SRGAP1: variants seen among roughly 807,000 people sequenced by gnomAD.
SRGAP1 encodes SLIT-ROBO Rho GTPase activating protein 1.
In SRGAP1, 43 loss-of-function variants were observed where a neutral mutation model predicts 121.9. The observed-to-expected ratio is 0.35, with a 90% CI of 0.28 to 0.46. The LOEUF is 0.46. Ranked by LOEUF, SRGAP1 falls within the 20% of genes least tolerant of loss-of-function variation. The pLI is 1.00. For missense variants in SRGAP1, 1,102 were observed against 1,350.9 expected (o/e 0.82, Z 2.89); for synonymous variants, 447 against 485.4 (o/e 0.92, Z 1.04).
chr12:63,982,393 A>G (rs781419077), intron 1 of SRGAP1: 6 of 152,206 alleles, frequency 3.9e-5, no homozygotes, highest in African/African-American at 1.4e-4. Context: ...AAAATGGAAG[A>G]TAATACTAAA....
At chr12:64,015,826 T>A in intron 3 of SRGAP1, among the ~76,000 whole-genome samples, 1 of 152,250 alleles carries the variant, frequency 6.6e-6, no homozygotes, top group East Asian at 1.9e-4. Flanking sequence ...GTGGATGTTG[T>A]TAATGTTGCA....
chr12:64,057,170 C>G (rs1022802001), intron 6 of SRGAP1, among the ~76,000 whole-genome samples: 2 of 152,034 alleles, frequency 1.3e-5, no homozygotes, highest in South Asian at 4.1e-4. Flanking sequence ...CTCACTCCTC[C>G]TATTTGCTAC....
intron 1 of SRGAP1, among the ~76,000 whole-genome samples, chr12:63,967,906 G>C (rs1450743152): frequency 6.6e-6 from 1 of 152,184 alleles, no homozygotes; most frequent in Non-Finnish European, 1.5e-5. Context: ...CTGGACTTCA[G>C]ATCATCTTCC....
At chr12:64,061,989 C>G (rs1268416320) in intron 6 of SRGAP1, among the ~76,000 whole-genome samples, 1 of 151,432 alleles carries the variant, frequency 6.6e-6, no homozygotes, top group South Asian at 2.1e-4. Flanking sequence ...CTGCTATAAA[C>G]ATTTGTGTGC....
intron 4 of SRGAP1, among the ~76,000 whole-genome samples, chr12:64,024,891 T>A (rs2034620098): frequency 6.6e-6 from 1 of 152,158 alleles, no homozygotes; most frequent in Non-Finnish European, 1.5e-5. Flanking sequence ...ACCACCCCCA[T>A]GATTCAGTTA....
At chr12:64,027,488 A>G (rs1418343613) in intron 4 of SRGAP1, among the ~76,000 whole-genome samples, 4 of 152,104 alleles carry the variant, frequency 2.6e-5, no homozygotes, top group South Asian at 4.1e-4. Context: ...AAGAGGAGAG[A>G]TGAAACAGGG....
intron 1 of SRGAP1, among the ~76,000 whole-genome samples, chr12:63,974,803 C>T (rs1334340249): frequency 2.6e-5 from 4 of 152,076 alleles, no homozygotes; most frequent in Non-Finnish European, 5.9e-5. Context: ...GTTCAGCCAC[C>T]CTAAACTTCC....
At chr12:63,897,316 C>G (rs190976949) in intron 1 of SRGAP1, among the ~76,000 whole-genome samples, 124 of 152,236 alleles carry the variant, frequency 8.1e-4, no homozygotes, top group Admixed American at 4.8e-3. Flanking sequence ...AATATGTTAG[C>G]ATAAGAATAT....
chr12:63,939,399 A>T (rs1480471263), intron 1 of SRGAP1, among the ~76,000 whole-genome samples: 2 of 152,144 alleles, frequency 1.3e-5, no homozygotes, highest in Admixed American at 6.5e-5. Flanking sequence ...CCTATAAGAT[A>T]TTTGCAATAT....
intron 1 of SRGAP1, among the ~76,000 whole-genome samples, chr12:63,848,627 C>T (rs1301116874): frequency 6.6e-6 from 1 of 152,016 alleles, no homozygotes; most frequent in Non-Finnish European, 1.5e-5. Flanking sequence ...TCTCTGAAGC[C>T]TCTGCCTTCC....
chr12:64,025,616 A>G (rs1182431525), intron 4 of SRGAP1, among the ~76,000 whole-genome samples: 2 of 152,212 alleles, frequency 1.3e-5, no homozygotes, highest in Admixed American at 6.5e-5. Context: ...CAAACTGAAA[A>G]TATCTTTGGA....
At chr12:64,007,662 T>C (rs1030370705) in intron 3 of SRGAP1, among the ~76,000 whole-genome samples, 1 of 152,188 alleles carries the variant, frequency 6.6e-6, no homozygotes, top group Non-Finnish European at 1.5e-5. Flanking sequence ...CAGAAGATGG[T>C]ATCAGCATAC....
At chr12:63,998,467 T>C (rs1044334324) in intron 3 of SRGAP1, among the ~76,000 whole-genome samples, 7 of 152,118 alleles carry the variant, frequency 4.6e-5, no homozygotes, top group African/African-American at 1.7e-4. Flanking sequence ...CACTGGAGCA[T>C]CTTCTCTGTT....
rs1434078108 is a variant in SRGAP1 at position 63,844,796 on chromosome 12, CA to C, written c.-18del. Reference sequence around the variant, plus strand: ...CTGAACAAAACTTGCCCATTGAAAGCAAACCCGGAACAGCTGGATAATGTCC... The same window carrying C: ...CTGAACAAAACTTGCCCATTGAAAGCAACCCGGAACAGCTGGATAATGTCC... On this transcript the variant is annotated 5_prime_UTR_variant, in exon 1 of 22. Coordinates refer to ENST00000355086, the MANE Select transcript of SRGAP1 (RefSeq NM_020762.4). The surrounding 1 kb of genome is among the most constrained non-coding windows in gnomAD (Gnocchi z 4.3). 6.2e-7 allele frequency: 1 copy of C among 1,613,944 alleles called. No individual in the cohort carries two copies. Among genetic ancestry groups the C allele is most frequent in the Non-Finnish European group, 8.5e-7 (1 of 1,179,830 alleles).
intron 1 of SRGAP1, among the ~76,000 whole-genome samples, chr12:63,851,786 C>T (rs1179829974): frequency 5.9e-5 from 9 of 151,810 alleles, no homozygotes; most frequent in East Asian, 1.9e-4. Context: ...AGGCTGGTCT[C>T]GAACTCCTGA....
intron 1 of SRGAP1, among the ~76,000 whole-genome samples, chr12:63,953,282 A>G (rs1022877118): frequency 4.6e-5 from 7 of 152,156 alleles, no homozygotes; most frequent in African/African-American, 1.7e-4. Flanking sequence ...ATGGTACATC[A>G]TCTCATTAAG....
chr12:64,072,153 G>GT (rs1491434206), intron 8 of SRGAP1, among the ~76,000 whole-genome samples: 1 of 19,154 alleles, frequency 5.2e-5, no homozygotes, highest in Admixed American at 4.6e-4. Context: ...TGTGTGGGCG[G>GT]CGGGGGGGGG....
rs1019382684 is a variant in SRGAP1, at chr12:64,152,398, C to A, written c.*9726C>A. ...CTCTGTAACATGCTCATGTCATTAC[C>A]CTGCTCAAAAGCCACACGTGGGTCC... is the stretch of plus-strand genomic sequence containing the variant. On this transcript the variant is annotated 3_prime_UTR_variant, in exon 22 of 22. Transcript: ENST00000355086. The A allele has an allele frequency of 1.3e-5, 2 of 152,260 alleles. No individual in the cohort carries two copies. Among genetic ancestry groups the A allele is most frequent in the African/African-American group, 4.8e-5 (2 of 41,448 alleles). 9.4% of individuals were successfully genotyped at this position (152,260 alleles called of 1,614,324 possible).
intron 1 of SRGAP1, among the ~76,000 whole-genome samples, chr12:63,863,311 C>T (rs1325661873): frequency 4.2e-5 from 6 of 144,048 alleles, no homozygotes; most frequent in African/African-American, 1.3e-4. Flanking sequence ...CTTACCTTAT[C>T]GCCCAGGCTG....
Sources: gnomAD v4.1 joint callset for allele counts (sites outside exome capture counted in the v4.1 genomes callset) on GRCh38, gnomAD v4.1.1 for gene constraint, Gnocchi (gnomAD v3.1) non-coding constraint, MANE v1.5 for transcripts, NCBI Gene and HGNC (gene_info 2026-07-23, HGNC 2026-07-21) for gene names.